Variants in SPATA13 observed in about 807,000 individuals in gnomAD.
The protein encoded by SPATA13 is spermatogenesis associated 13.
A neutral mutation model predicts 104.0 loss-of-function variants in SPATA13; 50 were observed. That is an observed-to-expected ratio of 0.48 (90% CI 0.38 to 0.61). The LOEUF (loss-of-function observed/expected upper bound fraction) is 0.61. Among genes scored for constraint, SPATA13 ranks in the 20% least tolerant of loss-of-function variants. SPATA13 has a pLI of 0.00. For synonymous variants in SPATA13, 606 were observed against 667.5 expected, an observed-to-expected ratio of 0.91 and a Z score of 1.42; for missense variants, 1,524 against 1,690.6, an observed-to-expected ratio of 0.90 and a Z score of 1.73.
At chr13:24,034,764 G>A (rs55947442) in intron 3 of SPATA13, 35,846 of 152,148 alleles carry the variant, frequency 0.24, 4,466 homozygotes, top group Admixed American at 0.28. Context: ...TCACAGCACA[G>A]CAGCAGGGGC....
At chr13:24,217,841 C>G (rs1174696305) in intron 1 of SPATA13, among the ~76,000 whole-genome samples, 1 of 152,142 alleles carries the variant, frequency 6.6e-6, no homozygotes, top group Non-Finnish European at 1.5e-5. Context: ...AGCTGCTGCA[C>G]GTGCCCACAA....
intron 3 of SPATA13, among the ~76,000 whole-genome samples, chr13:24,048,800 A>C (rs1220861937): frequency 6.6e-6 from 1 of 152,226 alleles, no homozygotes; most frequent in African/African-American, 2.4e-5. Flanking sequence ...CAAGTTAAAG[A>C]AATAGTAATT....
At chr13:24,180,108 C>T (rs911178061) in intron 1 of SPATA13, among the ~76,000 whole-genome samples, 2 of 152,090 alleles carry the variant, frequency 1.3e-5, no homozygotes, top group Non-Finnish European at 2.9e-5. Context: ...GATTTTCTCC[C>T]TATTTTTGTC....
In SPATA13 at chr13:24,078,529, C is replaced by CT. The variant is rs542595652; in HGVS notation, c.-112+60831dup. On this transcript the variant is annotated intron_variant, in intron 3 of 14. Coordinates refer to the SPATA13 transcript ENST00000424834. Reference sequence around the variant, plus strand: ...GAGCCAAGTTTCTGACATAATGTGACTTTAAGTATGCTCACTTAACCTCTA... The same window carrying CT: ...GAGCCAAGTTTCTGACATAATGTGACTTTTAAGTATGCTCACTTAACCTCTA... Among the ~76,000 whole-genome samples, 33 of 152,286 alleles carry CT rather than the reference C, an allele frequency of 2.2e-4. No individual in the cohort carries two copies. The South Asian group carries it at 6.6e-3, about 31-fold the overall frequency.
intron 2 of SPATA13, among the ~76,000 whole-genome samples, chr13:24,239,555 C>CAGAAGGATCACTTGAACCCTGAA: frequency 6.6e-6 from 1 of 151,520 alleles, no homozygotes; most frequent in African/African-American, 2.4e-5. Flanking sequence ...ATTAGCCAGG[C>CAGAAGGATCACTTGAACCCTGAA]GTGGTGGTGT....
At chr13:24,112,166 G>T (rs1031550534) in intron 3 of SPATA13, among the ~76,000 whole-genome samples, 5 of 152,088 alleles carry the variant, frequency 3.3e-5, no homozygotes, top group African/African-American at 1.2e-4. Flanking sequence ...CTGCACTTCT[G>T]CCCCCCATTC....
chr13:24,219,453 C>T lies in SPATA13; in HGVS notation c.-111-3366C>T, dbSNP rs79687335. On this transcript the variant is annotated intron_variant, in intron 1 of 12. Transcript: ENST00000382108. ...AGTTCTGAGTGTTAGAAAATTTCAA[C>T]TTCTTCACTCTATAAAAACATAGTG... Among the ~76,000 whole-genome samples, 2,525 of 152,272 alleles carry T rather than the reference C, an allele frequency of 0.017. 128 individuals carry two copies. The East Asian group carries it at 0.18, about 11-fold the overall frequency.
At chr13:24,203,004 G>A (rs1011950191) in intron 1 of SPATA13, among the ~76,000 whole-genome samples, 1 of 151,908 alleles carries the variant, frequency 6.6e-6, no homozygotes, top group East Asian at 1.9e-4. Context: ...TCCTGGGTAC[G>A]TGTGTAGGAT....
At chr13:24,153,294 C>A (rs1408224078) in intron 3 of SPATA13, among the ~76,000 whole-genome samples, 1 of 152,246 alleles carries the variant, frequency 6.6e-6, no homozygotes, top group Non-Finnish European at 1.5e-5. Context: ...TTTCCACCTG[C>A]AGTCCTGTCT....
intron 1 of SPATA13, among the ~76,000 whole-genome samples, chr13:24,182,989 T>G (rs1392235740): frequency 6.6e-6 from 1 of 152,154 alleles, no homozygotes; most frequent in Non-Finnish European, 1.5e-5. Flanking sequence ...TTTTTATCAG[T>G]ACACTTGGAA....
At chr13:24,283,114 A>G (rs972564051) in intron 4 of SPATA13, among the ~76,000 whole-genome samples, 15 of 152,262 alleles carry the variant, frequency 9.9e-5, no homozygotes, top group Middle Eastern at 3.4e-3. Context: ...GTGATTTGCA[A>G]TCGGGCCATC....
intron 1 of SPATA13, among the ~76,000 whole-genome samples, chr13:23,980,425 T>A (rs1323934594): frequency 6.6e-6 from 1 of 152,196 alleles, no homozygotes; most frequent in Non-Finnish European, 1.5e-5. Context: ...GCTTCGTTGG[T>A]GTGTGTGTCT....
chr13:24,069,165 A>C (rs1879073889), intron 3 of SPATA13, among the ~76,000 whole-genome samples: 1 of 152,168 alleles, frequency 6.6e-6, no homozygotes, highest in African/African-American at 2.4e-5. Flanking sequence ...GAAAAATCTC[A>C]ATGGTAGTTC....
intron 2 of SPATA13, among the ~76,000 whole-genome samples, chr13:24,235,670 T>A (rs1872531086): frequency 6.6e-6 from 1 of 152,184 alleles, no homozygotes; most frequent in Non-Finnish European, 1.5e-5. Flanking sequence ...GGTGGGAGGA[T>A]TGCTGGAGCC....
At chr13:24,068,613 T>C (rs1297567873) in intron 3 of SPATA13, among the ~76,000 whole-genome samples, 2 of 152,214 alleles carry the variant, frequency 1.3e-5, no homozygotes, top group Non-Finnish European at 2.9e-5. Flanking sequence ...TAAGCATCCC[T>C]TTTTCTCCAC....
intron 1 of SPATA13, among the ~76,000 whole-genome samples, chr13:24,219,321 G>C (rs1488650680): frequency 6.6e-6 from 1 of 152,168 alleles, no homozygotes; most frequent in African/African-American, 2.4e-5. Flanking sequence ...ACGTTGTTCA[G>C]CTCAGGAACA....
At chr13:24,246,022 G>T (rs748468306) in intron 2 of SPATA13, among the ~76,000 whole-genome samples, 1 of 152,136 alleles carries the variant, frequency 6.6e-6, no homozygotes, top group Non-Finnish European at 1.5e-5. Flanking sequence ...ATCTGTCACT[G>T]CCTGGAGTAG....
chr13:23,999,481 C>T lies in SPATA13; in HGVS notation c.-147+15548C>T, dbSNP rs527464616. 1.1e-4 allele frequency among the ~76,000 whole-genome samples: 16 copies of T among 151,364 alleles called. No homozygotes were observed. The East Asian group carries it at 1.9e-3, about 18-fold the overall frequency. ...AACAATATTGAATCTTCCAACCCAT[C>T]ATACAGTCTATCTCTCATTTTATTT... On this transcript the variant is annotated intron_variant, in intron 2 of 14. Coordinates refer to the SPATA13 transcript ENST00000424834.
chr13:24,217,081 CA>C (rs560059594), intron 1 of SPATA13, among the ~76,000 whole-genome samples: 1,547 of 151,328 alleles, frequency 0.01, 14 homozygotes, highest in Non-Finnish European at 0.016. Flanking sequence ...AAAACAAAAA[CA>C]AAAAAAAGGA....
Sources: gnomAD v4.1 joint callset for allele counts (sites outside exome capture counted in the v4.1 genomes callset) on GRCh38, gnomAD v4.1.1 for gene constraint, MANE v1.5 for transcripts, NCBI Gene and HGNC (gene_info 2026-07-23, HGNC 2026-07-21) for gene names.